Variants in NDUFAF2 observed in about 807,000 individuals in gnomAD.
NDUFAF2 encodes NADH dehydrogenase [ubiquinone] 1 alpha subcomplex assembly factor 2.
In NDUFAF2, 13 loss-of-function variants were observed where a neutral mutation model predicts 22.8. That is an observed-to-expected ratio of 0.57 (90% CI 0.37 to 0.91). The LOEUF (loss-of-function observed/expected upper bound fraction) is 0.91. NDUFAF2 is among the 40% of genes least tolerant of loss of function. The pLI is 0.01. For synonymous variants in NDUFAF2, 53 were observed against 64.2 expected (o/e 0.83, Z 0.84); for missense variants, 162 against 195.2 (o/e 0.83, Z 1.01).
chr5:61,016,731 T>C (rs1365038525), intron 1 of NDUFAF2, among the ~76,000 whole-genome samples: 1 of 152,230 alleles, frequency 6.6e-6, no homozygotes, highest in African/African-American at 2.4e-5. Context: ...TTTTTAATCA[T>C]CTGAATGTCA....
At position 60,986,175 on chromosome 5, in the gene NDUFAF2, C is replaced by T. The variant is rs1033718834; in HGVS notation, c.127+40793C>T. Among the ~76,000 whole-genome samples the T allele has an allele frequency of 5.9e-5, 9 of 152,120 alleles. No individual in the cohort carries two copies. The East Asian group carries it at 1.7e-3, about 29-fold the overall frequency. The stretch of plus-strand genomic sequence containing the variant: ...CCCAAAAGGAAGGAAATCAGTATAT[C>T]AAAGAGATGTCTACACTCTTGTGTT... On this transcript the variant is annotated intron_variant, in intron 1 of 3. Coordinates refer to ENST00000296597, the MANE Select transcript of NDUFAF2 (RefSeq NM_174889.5).
intron 2 of NDUFAF2, among the ~76,000 whole-genome samples, chr5:61,082,118 C>G (rs1018119234): frequency 6.6e-6 from 1 of 152,044 alleles, no homozygotes; most frequent in Non-Finnish European, 1.5e-5. Context: ...ATAAAAACAA[C>G]GATTCACAGG....
At chr5:60,946,083 A>T (rs4647027) in intron 1 of NDUFAF2, among the ~76,000 whole-genome samples, 3,661 of 152,198 alleles carry the variant, frequency 0.024, 63 homozygotes, top group Non-Finnish European at 0.037. Flanking sequence ...ATTCGTGCCA[A>T]GTAGTTGAGC....
chr5:61,117,179 G>C (rs1302551098), intron 3 of NDUFAF2, among the ~76,000 whole-genome samples: 1 of 152,138 alleles, frequency 6.6e-6, no homozygotes, highest in Non-Finnish European at 1.5e-5. Flanking sequence ...AGCTATTATG[G>C]AGTGTTTAAG....
chr5:61,075,576 A>G, intron 2 of NDUFAF2, among the ~76,000 whole-genome samples: 1 of 152,214 alleles, frequency 6.6e-6, no homozygotes. Context: ...TTATAAATAA[A>G]TGAGTACGTA....
chr5:61,068,654 A>G (rs1053230458), intron 1 of NDUFAF2, among the ~76,000 whole-genome samples: 4 of 152,042 alleles, frequency 2.6e-5, no homozygotes, highest in African/African-American at 9.7e-5. Flanking sequence ...GATTTTCTTC[A>G]GTGAAGTTTT....
intron 2 of NDUFAF2, among the ~76,000 whole-genome samples, chr5:61,085,691 A>G (rs1304752445): frequency 6.6e-6 from 1 of 152,232 alleles, no homozygotes; most frequent in Admixed American, 6.5e-5. Context: ...AAAATCAATT[A>G]TATGTCTACA....
At chr5:61,138,582 G>A (rs934826191) in intron 3 of NDUFAF2, among the ~76,000 whole-genome samples, 2 of 152,034 alleles carry the variant, frequency 1.3e-5, no homozygotes, top group Non-Finnish European at 2.9e-5. Flanking sequence ...TAGGACTTCC[G>A]GTTAGCTGGA....
chr5:61,146,667 C>T lies in NDUFAF2; in HGVS notation c.259-6037C>T, dbSNP rs932587380. ...TATTTAGCAATTTGATTTGGATGTG[C>T]CTTGGTTTTATGATTATCCTGCTTG... On this transcript the variant is annotated intron_variant, in intron 3 of 3. Coordinates refer to ENST00000296597, the MANE Select transcript of NDUFAF2 (RefSeq NM_174889.5). 2.6e-5 allele frequency among the ~76,000 whole-genome samples: 4 copies of T among 152,066 alleles called. No individual in the cohort carries two copies. In the South Asian group the frequency reaches 8.3e-4, roughly 32 times the overall value.
chr5:61,122,241 T>C (rs1752985138), intron 3 of NDUFAF2, among the ~76,000 whole-genome samples: 1 of 152,166 alleles, frequency 6.6e-6, no homozygotes, highest in Non-Finnish European at 1.5e-5. Flanking sequence ...GCCAATTCCT[T>C]ACAGTCACTC....
intron 3 of NDUFAF2, among the ~76,000 whole-genome samples, chr5:61,147,077 G>A (rs186529970): frequency 2.6e-5 from 4 of 152,060 alleles, no homozygotes; most frequent in African/African-American, 7.2e-5. Context: ...TCTATCATGT[G>A]TAGGTCTACT....
intron 1 of NDUFAF2, among the ~76,000 whole-genome samples, chr5:60,971,286 C>CTTTT (rs70977817): frequency 6.9e-6 from 1 of 144,312 alleles, no homozygotes; most frequent in African/African-American, 2.5e-5. Flanking sequence ...TTCTTTCTTT[C>CTTTT]TTTTTTTTTT....
intron 3 of NDUFAF2, among the ~76,000 whole-genome samples, chr5:61,118,176 T>C (rs1238886944): frequency 6.6e-6 from 1 of 152,168 alleles, no homozygotes; most frequent in East Asian, 1.9e-4. Context: ...TTTTCCGTAC[T>C]AAATCTTACT....
intron 2 of NDUFAF2, among the ~76,000 whole-genome samples, chr5:61,078,952 T>G (rs1752404319): frequency 6.6e-6 from 1 of 152,198 alleles, no homozygotes; most frequent in South Asian, 2.1e-4. Flanking sequence ...TTTTCTTGTT[T>G]TTGGTAAGTT....
At chr5:61,035,092 A>T (rs1169339425) in intron 1 of NDUFAF2, among the ~76,000 whole-genome samples, 1 of 150,296 alleles carries the variant, frequency 6.7e-6, no homozygotes, top group East Asian at 1.9e-4. Context: ...TTTGAGACAG[A>T]GTCTCACTCT....
At chr5:60,966,475 A>G (rs1355234635) in intron 1 of NDUFAF2, among the ~76,000 whole-genome samples, 2 of 152,064 alleles carry the variant, frequency 1.3e-5, no homozygotes, top group Non-Finnish European at 2.9e-5. Context: ...GTTTTCTTCT[A>G]GTTTTACAGT....
intron 1 of NDUFAF2, among the ~76,000 whole-genome samples, chr5:60,966,969 T>C (rs1441882660): frequency 6.6e-6 from 1 of 152,114 alleles, no homozygotes; most frequent in Admixed American, 6.5e-5. Context: ...ATTCTTCCAA[T>C]GCATGAAACA....
At chr5:61,071,912 T>C (rs1752304419) in intron 1 of NDUFAF2, among the ~76,000 whole-genome samples, 1 of 152,212 alleles carries the variant, frequency 6.6e-6, no homozygotes. Flanking sequence ...ATGAAGACTT[T>C]CTGAAAACAG....
intron 1 of NDUFAF2, among the ~76,000 whole-genome samples, chr5:61,004,707 A>C (rs1283633488): frequency 1.3e-5 from 2 of 152,060 alleles, no homozygotes; most frequent in Non-Finnish European, 2.9e-5. Context: ...TTGTGACTCT[A>C]CCAGTCATAG....
Sources: allele counts gnomAD v4.1 joint callset (sites outside exome capture counted in the v4.1 genomes callset), GRCh38; gene constraint gnomAD v4.1.1; transcripts MANE v1.5; gene names NCBI Gene and HGNC (gene_info 2026-07-23, HGNC 2026-07-21).